The following GNAI2 variants were observed in gnomAD, a reference collection of about 807,000 sequenced individuals.
GNAI2 encodes guanine nucleotide-binding protein G(i) subunit alpha-2.
Under a neutral mutation model 36.8 loss-of-function variants are expected in GNAI2, and 4 were observed. The ratio of observed to expected loss-of-function variants is 0.11; its 90% CI spans 0.05 to 0.25. The LOEUF is 0.25. Among genes scored for constraint, GNAI2 ranks in the 10% least tolerant of loss-of-function variants. GNAI2 has a pLI of 1.00. For missense variants in GNAI2, 230 were observed against 481.3 expected, an observed-to-expected ratio of 0.48 and a Z score of 4.89; for synonymous variants, 194 against 194.1, an observed-to-expected ratio of 1.00 and a Z score of 0.01.
chr3:50,231,950 A>C (rs1700074815), upstream of GNAI2, among the ~76,000 whole-genome samples: 1 of 151,580 alleles, frequency 6.6e-6, no homozygotes, highest in Non-Finnish European at 1.5e-5. Flanking sequence ...TAATCCCAGC[A>C]CTTTGGGAGG....
At chr3:50,251,409 C>T (rs1700553570) in intron 1 of GNAI2, 1 of 1,018,534 alleles carries the variant, frequency 9.8e-7, no homozygotes, top group Non-Finnish European at 1.2e-6. Context: ...AAGCTTGAGT[C>T]AGTATGGGCG....
chr3:50,240,329 A>T (rs1218738980), intron 1 of GNAI2, among the ~76,000 whole-genome samples: 1 of 152,212 alleles, frequency 6.6e-6, no homozygotes, highest in African/African-American at 2.4e-5. Context: ...ACTGGGGGTC[A>T]GAGGGACCAA....
chr3:50,251,925 G>C, intron 1 of GNAI2, 175 bp from the exon 2 acceptor site: 1 of 885,490 alleles, frequency 1.1e-6, no homozygotes, highest in Non-Finnish European at 1.7e-6. Context: ...CTGTGGCCCT[G>C]CCAGCTGCAT....
intron 5 of GNAI2, 145 bp downstream of exon 5, chr3:50,256,465 T>C: frequency 1.3e-6 from 1 of 794,824 alleles, no homozygotes; most frequent in South Asian, 1.5e-5. Context: ...CACCACCTAG[T>C]GAACCAGCAG....
intron 1 of GNAI2, among the ~76,000 whole-genome samples, chr3:50,245,215 C>A (rs1326358579): frequency 6.6e-6 from 1 of 152,168 alleles, no homozygotes; most frequent in Non-Finnish European, 1.5e-5. Flanking sequence ...TCAGGCTGGT[C>A]TCGAACTCCT....
upstream of GNAI2, among the ~76,000 whole-genome samples, chr3:50,232,683 G>T (rs782294555): frequency 2.0e-5 from 3 of 152,198 alleles, no homozygotes; most frequent in Non-Finnish European, 4.4e-5. Context: ...GAGCAAGGGG[G>T]TGATGTGATT....
intron 1 of GNAI2, among the ~76,000 whole-genome samples, chr3:50,247,943 T>A (rs1207806825): frequency 6.6e-6 from 1 of 152,214 alleles, no homozygotes; most frequent in Admixed American, 6.5e-5. Context: ...TTTGCAGAAA[T>A]CTGGACTCAG....
In GNAI2 at chr3:50,253,266, C is replaced by T. The variant is rs1553702793; in HGVS notation, c.464+82C>T. 1 of 1,090,716 alleles carries T rather than the reference C, an allele frequency of 9.2e-7. No homozygotes were observed. The highest frequency in any genetic ancestry group is 1.6e-5 in the African/African-American group (1 of 63,846). 67.6% of individuals were successfully genotyped at this position (1,090,716 alleles called of 1,614,324 possible). On this transcript the variant is annotated intron_variant, in intron 4 of 8. Transcript: ENST00000313601. The surrounding 1 kb of genome is among the most constrained non-coding windows in gnomAD (Gnocchi z 4.2). ...CTGGACCGGAGGGCCTGAGAACCCC[C>T]AGAAGGACACTGCTGGTCTTTGCTT... is the stretch of plus-strand genomic sequence containing the variant.
upstream of GNAI2, chr3:50,236,081 C>G (rs897610009): frequency 1.5e-6 from 1 of 658,168 alleles, no homozygotes; most frequent in Non-Finnish European, 2.0e-6. The surrounding 1 kb of genome is among the most constrained non-coding windows in gnomAD (Gnocchi z 4.0). Flanking sequence ...AATCAACAGC[C>G]TCTAATCTCC....
chr3:50,227,322 G>A (rs990931808), upstream of GNAI2: 3 of 465,366 alleles, frequency 6.4e-6, no homozygotes, highest in Admixed American at 8.7e-5. This position sits in a 1 kb window ranked among gnomAD's most constrained non-coding sequence, Gnocchi z 5.9. Context: ...TGCGGAGACC[G>A]GGCCTCGACG....
At position 50,258,684 on chromosome 3, in the gene GNAI2, T is replaced by G; in HGVS notation, c.*341T>G. On this transcript the variant is annotated 3_prime_UTR_variant, in exon 9 of 9. Transcript: ENST00000313601. ...CCAAGGCTGCGTCTGGAGGGGCCCCTGCTTCTCCAGCCTGGACCCCCAGCT... is the reference window on the plus strand; with the variant it reads ...CCAAGGCTGCGTCTGGAGGGGCCCCGGCTTCTCCAGCCTGGACCCCCAGCT... 2.9e-6 allele frequency: 1 copy of G among 349,638 alleles called. No homozygotes were observed. Among genetic ancestry groups the G allele is most frequent in the South Asian group, 2.3e-5 (1 of 44,296 alleles). 21.7% of individuals were successfully genotyped at this position (349,638 alleles called of 1,614,324 possible).
Position 50,252,400 on chromosome 3 carries a change from C to A in GNAI2, c.165C>A (p.Ile55=). 6 of 1,613,714 alleles carry A rather than the reference C, an allele frequency of 3.7e-6. No individual in the cohort carries two copies. The highest frequency in any genetic ancestry group is 5.1e-6 in the Non-Finnish European group (6 of 1,179,976). Residue 55 remains isoleucine, a synonymous_variant, in exon 3 of 9, where the codon ATC becomes ATA. Coordinates refer to ENST00000313601, the MANE Select transcript of GNAI2 (RefSeq NM_002070.4). The surrounding 1 kb of genome is among the most constrained non-coding windows in gnomAD (Gnocchi z 4.1). ...GKSTIVKQMK[I]IHEDGYSEEE... is the part of the protein sequence containing the mutation. ...CTTCCTGGTCCCTGGCTATCAGGAT[C>A]ATCCACGAGGATGGCTACTCCGAGG... is the stretch of plus-strand genomic sequence containing the variant.
upstream of GNAI2, among the ~76,000 whole-genome samples, chr3:50,232,735 T>G (rs1185924908): frequency 6.6e-6 from 1 of 152,102 alleles, no homozygotes; most frequent in Non-Finnish European, 1.5e-5. Context: ...GGAGGATAAA[T>G]TGTAGGGAAA....
At chr3:50,254,235 A>G (rs1700635838) in intron 4 of GNAI2, among the ~76,000 whole-genome samples, 1 of 152,160 alleles carries the variant, frequency 6.6e-6, no homozygotes, top group Admixed American at 6.5e-5. Context: ...GGGGAACAGG[A>G]TAGACAGGCT....
chr3:50,254,615 C>T (rs1485591822), intron 4 of GNAI2, among the ~76,000 whole-genome samples: 1 of 152,230 alleles, frequency 6.6e-6, no homozygotes, highest in Non-Finnish European at 1.5e-5. Flanking sequence ...ACCACTGCCC[C>T]TCCCTGAGAT....
chr3:50,251,369 T>TA, intron 1 of GNAI2: 1 of 995,530 alleles, frequency 1.0e-6, no homozygotes, highest in Non-Finnish European at 1.2e-6. Flanking sequence ...TAAAGAGAAA[T>TA]ATGGGCCAGG....
upstream of GNAI2, chr3:50,227,206 C>A (rs1457562306): frequency 3.6e-6 from 5 of 1,398,228 alleles, no homozygotes; most frequent in Non-Finnish European, 4.7e-6. The surrounding 1 kb of genome is among the most constrained non-coding windows in gnomAD (Gnocchi z 5.9). Context: ...AAGCCGATGG[C>A]GGCTATCGCG....
intron 4 of GNAI2, among the ~76,000 whole-genome samples, chr3:50,254,569 A>C (rs1187734835): frequency 6.6e-6 from 1 of 152,158 alleles, no homozygotes; most frequent in Non-Finnish European, 1.5e-5. Flanking sequence ...GGAGCTGTGG[A>C]GTCACAGCCA....
upstream of GNAI2, among the ~76,000 whole-genome samples, chr3:50,232,888 G>T (rs958361311): frequency 2.6e-5 from 4 of 151,864 alleles, no homozygotes; most frequent in South Asian, 6.3e-4. Context: ...TGTGGCTGGT[G>T]GGGGGATCAT....
Sources: gnomAD v4.1 joint callset for allele counts (sites outside exome capture counted in the v4.1 genomes callset) on GRCh38, gnomAD v4.1.1 for gene constraint, Gnocchi (gnomAD v3.1) non-coding constraint, MANE v1.5 for transcripts, NCBI Gene and HGNC (gene_info 2026-07-23, HGNC 2026-07-21) for gene names.